UTRN: variants seen among roughly 807,000 people sequenced by gnomAD.
UTRN encodes dystrophin-related protein 1.
UTRN carries 283 observed loss-of-function variants against 463.9 expected under a neutral mutation model. The ratio of observed to expected loss-of-function variants is 0.61; its 90% CI spans 0.55 to 0.67. UTRN has a LOEUF of 0.67. UTRN is among the 30% of genes least tolerant of loss of function. UTRN has a pLI of 0.00. For missense variants in UTRN, 3,922 were observed against 4,084.3 expected, an observed-to-expected ratio of 0.96 and a Z score of 1.08; for synonymous variants, 1,442 against 1,431.5, an observed-to-expected ratio of 1.01 and a Z score of -0.17.
Position 144,426,359 on chromosome 6 carries a change from G to A in UTRN, c.478G>A (p.Val160Met), listed in dbSNP as rs753988881. 1 of 1,614,148 alleles carries A rather than the reference G, an allele frequency of 6.2e-7. No individual in the cohort carries two copies. Among genetic ancestry groups the A allele is most frequent in the Non-Finnish European group, 8.5e-7 (1 of 1,180,026 alleles). Reference protein sequence around the residue: ...TNSEKILLSWVRQTTRPYSQV... With the variant: ...TNSEKILLSWMRQTTRPYSQV... ...CAGTGAGAAGATCCTGCTCAGCTGG[G>A]TGCGTCAGACCACCAGGCCCTACAG... Residue 160 changes from valine to methionine, a missense_variant, in exon 7 of 75, where the codon GTG (valine) becomes ATG (methionine). Physicochemically the swap from Val to Met is conservative, Grantham distance 21. Transcript: ENST00000367545.
At chr6:144,679,594 A>G (rs1464524451) in intron 52 of UTRN, among the ~76,000 whole-genome samples, 18 of 152,166 alleles carry the variant, frequency 1.2e-4, no homozygotes, top group Non-Finnish European at 1.6e-4. Flanking sequence ...TTTAACACTC[A>G]TGATTGCTAT....
chr6:144,344,364 A>G, intron 2 of UTRN: 1 of 1,301,944 alleles, frequency 7.7e-7, no homozygotes, highest in Non-Finnish European at 1.0e-6. Flanking sequence ...AACGTCTATG[A>G]AGACAGGGTT....
intron 51 of UTRN, among the ~76,000 whole-genome samples, chr6:144,609,040 G>A (rs774877495): frequency 6.6e-6 from 1 of 152,136 alleles, no homozygotes; most frequent in Non-Finnish European, 1.5e-5. Context: ...ATCAGTAACT[G>A]CCTTGAATGT....
chr6:144,468,356 G>A (rs1010511105), intron 23 of UTRN, among the ~76,000 whole-genome samples: 1 of 152,078 alleles, frequency 6.6e-6, no homozygotes, highest in African/African-American at 2.4e-5. Flanking sequence ...GGTCCATGTA[G>A]ACTTTGACCC....
intron 51 of UTRN, among the ~76,000 whole-genome samples, chr6:144,609,856 G>T (rs1297841479): frequency 1.3e-5 from 2 of 152,036 alleles, no homozygotes; most frequent in South Asian, 4.1e-4. Flanking sequence ...AAATTAGAAT[G>T]AAATTTTAAA....
At chr6:144,349,510 A>G (rs891542761) in intron 2 of UTRN, among the ~76,000 whole-genome samples, 11 of 152,204 alleles carry the variant, frequency 7.2e-5, no homozygotes, top group African/African-American at 1.4e-4. Flanking sequence ...TTTGCAAGCT[A>G]TAGTAATAGT....
At chr6:144,664,702 T>A (rs1780210106) in intron 51 of UTRN, among the ~76,000 whole-genome samples, 1 of 151,922 alleles carries the variant, frequency 6.6e-6, no homozygotes, top group Non-Finnish European at 1.5e-5. Context: ...TTAAAATCTG[T>A]GAGATTAGCT....
chr6:144,585,973 A>G (rs147296503), intron 51 of UTRN, among the ~76,000 whole-genome samples: 1 of 152,236 alleles, frequency 6.6e-6, no homozygotes, highest in East Asian at 1.9e-4. Context: ...TCATATTGGC[A>G]TTTTGAAATT....
intron 43 of UTRN, among the ~76,000 whole-genome samples, chr6:144,535,265 G>C (rs1183227376): frequency 6.6e-6 from 1 of 152,186 alleles, no homozygotes; most frequent in East Asian, 1.9e-4. Context: ...ATTTTTAGTA[G>C]AGATGGCATT....
chr6:144,589,476 G>C (rs938999258), intron 51 of UTRN, among the ~76,000 whole-genome samples: 3 of 152,142 alleles, frequency 2.0e-5, no homozygotes, highest in African/African-American at 7.2e-5. Flanking sequence ...CTAGTATGCG[G>C]TGCAGCTTGT....
intron 58 of UTRN, 23 bp downstream of exon 58, chr6:144,758,012 T>C: frequency 6.3e-7 from 1 of 1,585,064 alleles, no homozygotes; most frequent in Non-Finnish European, 8.6e-7. Context: ...TAATTCTCCT[T>C]TATGATACCA....
chr6:144,625,738 C>G (rs57610126), intron 51 of UTRN, among the ~76,000 whole-genome samples: 2,835 of 152,252 alleles, frequency 0.019, 75 homozygotes, highest in African/African-American at 0.064. Flanking sequence ...AGAATCTTTA[C>G]CTTCTGTACC....
chr6:144,740,571 G>T (rs574587561), intron 54 of UTRN, among the ~76,000 whole-genome samples: 1 of 152,126 alleles, frequency 6.6e-6, no homozygotes, highest in Non-Finnish European at 1.5e-5. Context: ...ATGAAAAAGC[G>T]CAGAAAAATA....
chr6:144,731,897 T>C (rs1238045490), intron 54 of UTRN, among the ~76,000 whole-genome samples: 2 of 152,132 alleles, frequency 1.3e-5, no homozygotes, highest in East Asian at 3.9e-4. Context: ...AGTCTCACTC[T>C]ACCACCTAGG....
At position 144,487,639 on chromosome 6, in the gene UTRN, A is replaced by G. The variant is rs201602949; in HGVS notation, c.3914A>G (p.Asp1305Gly). 3.1e-6 allele frequency: 5 copies of G among 1,613,446 alleles called. No homozygotes were observed. In the African/African-American group the frequency reaches 6.7e-5, roughly 22 times the overall value. The change falls in exon 29 of 75, where the codon GAT becomes GGT. Residue 1305 changes from aspartate (D) to glycine (G), a missense_variant. By Grantham distance (94) the Asp-to-Gly change is moderately conservative. This residue lies in a region of UTRN where 2,349 missense variants were observed against 2,303.8 expected (regional missense o/e 1.02). Transcript: ENST00000367545. ...QTLIDGGILD[D>G]IISEKLEAFN... ...CTGATTGATGGGGGGATCCTGGATG[A>G]TATAATCAGTGAGAAACTGGAGGCT...
chr6:144,349,289 T>A (rs1777898919), intron 2 of UTRN, among the ~76,000 whole-genome samples: 1 of 152,182 alleles, frequency 6.6e-6, no homozygotes, highest in Non-Finnish European at 1.5e-5. Context: ...ATTACAGGCA[T>A]GAGCCACGGC....
intron 2 of UTRN, among the ~76,000 whole-genome samples, chr6:144,389,000 T>G (rs1034021843): frequency 1.6e-4 from 24 of 152,282 alleles, no homozygotes; most frequent in African/African-American, 5.5e-4. Flanking sequence ...TTTATTTTGC[T>G]AAGATTGAGA....
intron 2 of UTRN, among the ~76,000 whole-genome samples, chr6:144,379,564 A>C (rs753365128): frequency 2.6e-5 from 4 of 152,214 alleles, no homozygotes; most frequent in African/African-American, 4.8e-5. Context: ...GAGAGATATG[A>C]AAGAATGCAA....
intron 74 of UTRN, among the ~76,000 whole-genome samples, chr6:144,849,786 G>A (rs989616936): frequency 1.3e-5 from 2 of 152,092 alleles, no homozygotes; most frequent in Non-Finnish European, 2.9e-5. Flanking sequence ...CATTCTCAAG[G>A]ATAATGGAGT....
Sources: allele counts gnomAD v4.1 joint callset (sites outside exome capture counted in the v4.1 genomes callset), GRCh38; gene constraint gnomAD v4.1.1; regional missense constraint gnomAD v4.1.1; transcripts MANE v1.5; gene names NCBI Gene and HGNC (gene_info 2026-07-23, HGNC 2026-07-21).